Variants in CTNND2 observed in about 807,000 individuals in gnomAD.
The protein encoded by CTNND2 is catenin delta 2.
A neutral mutation model predicts 144.4 loss-of-function variants in CTNND2; 22 were observed. The ratio of observed to expected loss-of-function variants is 0.15; its 90% CI spans 0.11 to 0.22. The LOEUF (loss-of-function observed/expected upper bound fraction) is 0.22, where lower values mean the gene tolerates loss of function less well. Ranked by LOEUF, CTNND2 falls within the 10% of genes least tolerant of loss-of-function variation. The pLI, the probability that CTNND2 is intolerant of heterozygous loss-of-function variation, is 1.00. For missense variants in CTNND2, 1,353 were observed against 1,618.8 expected (o/e 0.84, Z 2.82); for synonymous variants, 751 against 695.6 (o/e 1.08, Z -1.25).
chr5:11,316,141 G>A (rs1002667678), intron 9 of CTNND2, among the ~76,000 whole-genome samples: 13 of 152,182 alleles, frequency 8.5e-5, no homozygotes, highest in African/African-American at 2.9e-4. Context: ...TATCACTGGA[G>A]CTTATAATTA....
intron 16 of CTNND2, among the ~76,000 whole-genome samples, chr5:11,072,405 T>C (rs1748426123): frequency 6.6e-6 from 1 of 152,250 alleles, no homozygotes; most frequent in East Asian, 1.9e-4. Context: ...AGCCACTCTA[T>C]GCTTCAAATC....
intron 3 of CTNND2, among the ~76,000 whole-genome samples, chr5:11,542,331 T>G (rs1324215361): frequency 6.6e-6 from 1 of 152,196 alleles, no homozygotes; most frequent in African/African-American, 2.4e-5. Flanking sequence ...TCCTTTTACC[T>G]AATCATTCCA....
intron 21 of CTNND2, among the ~76,000 whole-genome samples, chr5:10,979,068 T>C (rs1190036702): frequency 2.6e-5 from 4 of 152,142 alleles, no homozygotes; most frequent in South Asian, 4.1e-4. Flanking sequence ...CTGGTTCCAA[T>C]GAGGAGCTTC....
chr5:11,604,407 T>C lies in CTNND2; in HGVS notation c.175-39351A>G, dbSNP rs111271415. The stretch of plus-strand genomic sequence containing the variant: ...ACATTCACCGTGGAAAGGAAAGCAC[T>C]ATTGATCTCTTTCAAAGATGAGGGA... On this transcript the variant is annotated intron_variant, in intron 2 of 21. Transcript: ENST00000304623. 2.8e-3 allele frequency among the ~76,000 whole-genome samples: 420 copies of C among 152,320 alleles called. 1 individual carries two copies. Among genetic ancestry groups the C allele is most frequent in the African/African-American group, 9.5e-3 (396 of 41,576 alleles).
intron 2 of CTNND2, among the ~76,000 whole-genome samples, chr5:11,680,328 C>A (rs527947213): frequency 3.9e-5 from 6 of 152,130 alleles, no homozygotes; most frequent in Non-Finnish European, 8.8e-5. Context: ...TTTTGCCCCC[C>A]ACCCACACCC....
intron 1 of CTNND2, among the ~76,000 whole-genome samples, chr5:11,768,546 C>T (rs1459519447): frequency 6.6e-6 from 1 of 152,174 alleles, no homozygotes; most frequent in Non-Finnish European, 1.5e-5. Context: ...CCACCTTGGC[C>T]TCCCAAAGTG....
At chr5:11,445,505 A>T (rs370771948) in intron 3 of CTNND2, among the ~76,000 whole-genome samples, 8 of 152,308 alleles carry the variant, frequency 5.3e-5, no homozygotes, top group African/African-American at 1.7e-4. Flanking sequence ...GAGTCTCCAA[A>T]GCAAAGCGGC....
intron 3 of CTNND2, among the ~76,000 whole-genome samples, chr5:11,500,343 C>A (rs1017935986): frequency 2.6e-5 from 4 of 152,102 alleles, no homozygotes; most frequent in Non-Finnish European, 2.9e-5. Context: ...CTCAAAATAA[C>A]TAAACATCAG....
At chr5:11,841,640 G>A (rs368263745) in intron 1 of CTNND2, among the ~76,000 whole-genome samples, 11 of 152,202 alleles carry the variant, frequency 7.2e-5, no homozygotes, top group South Asian at 2.1e-4. Flanking sequence ...TGGAAAGAGC[G>A]GGCTCTCTGG....
chr5:11,898,812 T>C (rs1737617700), intron 1 of CTNND2, among the ~76,000 whole-genome samples: 1 of 152,214 alleles, frequency 6.6e-6, no homozygotes, highest in African/African-American at 2.4e-5. Context: ...ACCACATTTA[T>C]TGTAAAAATG....
chr5:11,503,075 A>G (rs566018646), intron 3 of CTNND2, among the ~76,000 whole-genome samples: 2 of 152,356 alleles, frequency 1.3e-5, no homozygotes, highest in Non-Finnish European at 2.9e-5. Flanking sequence ...AGCAACAGAA[A>G]TGAGGCTAAA....
At chr5:11,438,167 C>T (rs529284998) in intron 3 of CTNND2, among the ~76,000 whole-genome samples, 1 of 152,224 alleles carries the variant, frequency 6.6e-6, no homozygotes, top group East Asian at 1.9e-4. Flanking sequence ...CGAAGAGGAT[C>T]GTCATCTTCA....
intron 9 of CTNND2, among the ~76,000 whole-genome samples, chr5:11,239,167 G>T (rs954731983): frequency 3.3e-5 from 5 of 152,274 alleles, no homozygotes; most frequent in African/African-American, 1.2e-4. Flanking sequence ...TAACCAGTCA[G>T]GAATTGCTCT....
chr5:11,225,956 T>C (rs1376755950), intron 10 of CTNND2, among the ~76,000 whole-genome samples: 12 of 152,156 alleles, frequency 7.9e-5, no homozygotes, highest in Admixed American at 7.9e-4. Flanking sequence ...CTAGAGGAGA[T>C]GGCCATGTGA....
intron 18 of CTNND2, among the ~76,000 whole-genome samples, chr5:10,995,786 G>A (rs1330508746): frequency 2.0e-5 from 3 of 152,150 alleles, no homozygotes; most frequent in African/African-American, 7.2e-5. Flanking sequence ...TGAGCAATGG[G>A]GTCACTGCCC....
chr5:11,219,664 GTGAT>G (rs1739577513), intron 10 of CTNND2, among the ~76,000 whole-genome samples: 1 of 152,178 alleles, frequency 6.6e-6, no homozygotes, highest in Non-Finnish European at 1.5e-5. Flanking sequence ...GAGAGGGGAT[GTGAT>G]GTTAGAGTCA....
chr5:11,093,503 A>G (rs1751002184), intron 15 of CTNND2, among the ~76,000 whole-genome samples: 2 of 152,176 alleles, frequency 1.3e-5, no homozygotes, highest in South Asian at 4.1e-4. Flanking sequence ...AGTGTTTTAA[A>G]GTTTAAAAAG....
intron 3 of CTNND2, among the ~76,000 whole-genome samples, chr5:11,473,353 T>G (rs182095649): frequency 1.3e-5 from 2 of 152,202 alleles, no homozygotes; most frequent in African/African-American, 4.8e-5. Context: ...CATTGAATGT[T>G]CATGTTGTTT....
chr5:11,100,755 C>G (rs1380191822), intron 14 of CTNND2, among the ~76,000 whole-genome samples: 1 of 152,186 alleles, frequency 6.6e-6, no homozygotes, highest in Non-Finnish European at 1.5e-5. Context: ...TGTGAAACTT[C>G]CAACTCAACA....
Sources: allele counts gnomAD v4.1 joint callset (sites outside exome capture counted in the v4.1 genomes callset), GRCh38; gene constraint gnomAD v4.1.1; transcripts MANE v1.5; gene names NCBI Gene and HGNC (gene_info 2026-07-23, HGNC 2026-07-21).